The following FGF5 variants were observed in gnomAD, a reference collection of about 807,000 sequenced individuals.
FGF5 encodes fibroblast growth factor 5.
In FGF5, 23 loss-of-function variants were observed where a neutral mutation model predicts 21.8. The observed-to-expected ratio is 1.05, with a 90% confidence interval of 0.76 to 1.49. FGF5 has a LOEUF of 1.49. Ranked by LOEUF, FGF5 falls within the 40% of genes most tolerant of loss-of-function variation. FGF5 has a pLI of 0.00. For synonymous variants in FGF5, 158 were observed against 124.0 expected, an observed-to-expected ratio of 1.27 and a Z score of -1.82; for missense variants, 352 against 332.9, an observed-to-expected ratio of 1.06 and a Z score of -0.45.
chr4:80,270,313 C>T (rs1050463909), intron 1 of FGF5, among the ~76,000 whole-genome samples: 2 of 151,728 alleles, frequency 1.3e-5, no homozygotes, highest in African/African-American at 2.4e-5. Flanking sequence ...TAGTATTTGT[C>T]TGATAGAACA....
At chr4:80,275,380 T>C (rs1459719379) in intron 2 of FGF5, among the ~76,000 whole-genome samples, 7 of 151,918 alleles carry the variant, frequency 4.6e-5, no homozygotes, top group Non-Finnish European at 1.0e-4. Flanking sequence ...TTGTGCTAAG[T>C]AGATGAGGTT....
At chr4:80,272,679 T>C (rs1481621897) in intron 1 of FGF5, among the ~76,000 whole-genome samples, 1 of 152,108 alleles carries the variant, frequency 6.6e-6, no homozygotes, top group Admixed American at 6.5e-5. Flanking sequence ...AACCAGATAA[T>C]TTTCCAGGGA....
rs982329682 is a variant in FGF5 at position 80,290,419 on chromosome 4, T to G, written c.*3747T>G. 6 of 152,160 alleles carry G rather than the reference T, an allele frequency of 3.9e-5. No individual in the cohort carries two copies. In the South Asian group the frequency reaches 1.0e-3, roughly 26 times the overall value. The allele number at this position is 152,160 out of a possible 1,614,324, so 9.4% of individuals were successfully genotyped here. On this transcript the variant is annotated 3_prime_UTR_variant, in exon 3 of 3. Transcript: ENST00000312465. Reference sequence around the variant, plus strand: ...ATTAGGTATTAGCAGAGACAAAGAGTTACCTCCTCCATCTTACTCTGCCCT... The same window carrying G: ...ATTAGGTATTAGCAGAGACAAAGAGGTACCTCCTCCATCTTACTCTGCCCT...
In FGF5 at chr4:80,288,093, A is replaced by T. The variant is rs1720788984; in HGVS notation, c.*1421A>T. On this transcript the variant is annotated 3_prime_UTR_variant, in exon 3 of 3. Transcript: ENST00000312465. ...TCTTACATTCAGAAATGTGGCAAAA[A>T]AGGCATAGCTAAAGGCTAAACATAT... 1 of 152,196 alleles carries T rather than the reference A, an allele frequency of 6.6e-6. No individual in the cohort carries two copies. Among genetic ancestry groups the T allele is most frequent in the African/African-American group, 2.4e-5 (1 of 41,466 alleles). The allele number at this position is 152,196 out of a possible 1,614,324, so 9.4% of individuals were successfully genotyped here.
In FGF5 at chr4:80,286,545, T is replaced by C. The variant is rs1245991200; in HGVS notation, c.680T>C (p.Leu227Pro). The C allele has an allele frequency of 1.9e-6, 3 of 1,614,076 alleles. No individual in the cohort carries two copies. The South Asian group carries it at 3.3e-5, about 18-fold the overall frequency. The change falls in exon 3 of 3, where the codon CTT (leucine) becomes CCT (proline). Residue 227 changes from leucine to proline, a missense_variant. By Grantham distance (98) the Leu-to-Pro change is moderately conservative (BLOSUM62 -3). Coordinates refer to ENST00000312465, the MANE Select transcript of FGF5 (RefSeq NM_004464.4). ...PRFKQSEQPE[L>P]SFTVTVPEKK... is the part of the protein sequence containing the mutation. ...TTCAAGCAGTCGGAGCAGCCAGAAC[T>C]TTCTTTCACGGTTACTGTTCCTGAA...
At chr4:80,274,879 T>C in intron 1 of FGF5, 30 bp from the exon 2 acceptor site, 1 of 886,366 alleles carries the variant, frequency 1.1e-6, no homozygotes, top group Non-Finnish European at 1.9e-6. Context: ...TAAGAGCCTG[T>C]GTTTTATTTT....
intron 2 of FGF5, among the ~76,000 whole-genome samples, chr4:80,275,366 G>A (rs1409272580): frequency 6.6e-6 from 1 of 151,868 alleles, no homozygotes; most frequent in Admixed American, 6.6e-5. Context: ...TATAGTGACT[G>A]TATTTGTGCT....
At chr4:80,271,292 C>T (rs1015378263) in intron 1 of FGF5, among the ~76,000 whole-genome samples, 10 of 151,992 alleles carry the variant, frequency 6.6e-5, no homozygotes, top group Admixed American at 2.0e-4. Flanking sequence ...CGGAAGTAAG[C>T]TTACATCATA....
chr4:80,272,080 T>C (rs539479844), intron 1 of FGF5, among the ~76,000 whole-genome samples: 1 of 152,324 alleles, frequency 6.6e-6, no homozygotes, highest in Admixed American at 6.5e-5. Context: ...GTGTTCTTAA[T>C]ATTAGGTCAT....
At chr4:80,275,043 G>T (rs369247578) in intron 2 of FGF5, 31 bp downstream of exon 2, 3 of 892,646 alleles carry the variant, frequency 3.4e-6, no homozygotes, top group South Asian at 3.5e-5. Context: ...TTTGTTAAAG[G>T]TGCTATAAAG....
At chr4:80,276,989 C>CA (rs551024993) in intron 2 of FGF5, among the ~76,000 whole-genome samples, 2 of 150,928 alleles carry the variant, frequency 1.3e-5, no homozygotes, top group Non-Finnish European at 3.0e-5. Flanking sequence ...ATAGTACATG[C>CA]AAAAAAAATA....
chr4:80,270,823 G>A (rs1333201820), intron 1 of FGF5, among the ~76,000 whole-genome samples: 5 of 152,228 alleles, frequency 3.3e-5, no homozygotes, highest in East Asian at 3.9e-4. Flanking sequence ...TAATAGAATC[G>A]TCGATGTTAC....
intron 1 of FGF5, among the ~76,000 whole-genome samples, chr4:80,271,246 G>T (rs1720263323): frequency 2.0e-5 from 3 of 152,034 alleles, no homozygotes; most frequent in Admixed American, 2.0e-4. Context: ...ATCTGCAGAG[G>T]ACTAAGTCAA....
chr4:80,285,182 C>T (rs1234869422), intron 2 of FGF5, among the ~76,000 whole-genome samples: 1 of 152,164 alleles, frequency 6.6e-6, no homozygotes, highest in Non-Finnish European at 1.5e-5. Context: ...TCCAAGTTCA[C>T]ACTCTTCCCC....
chr4:80,290,710 C>T lies in FGF5; in HGVS notation c.*4038C>T, dbSNP rs1388914475. On this transcript the variant is annotated 3_prime_UTR_variant, in exon 3 of 3. Transcript: ENST00000312465. ...CCTCTCCACCCACCCCACAGCAGGC[C>T]CCGGTATGTGATGTTCCCCTTCGTG... 7 of 152,108 alleles carry T rather than the reference C, an allele frequency of 4.6e-5. No individual in the cohort carries two copies. The highest frequency in any genetic ancestry group is 2.6e-4 in the Admixed American group (4 of 15,280). 9.4% of individuals were successfully genotyped at this position (152,108 alleles called of 1,614,324 possible).
chr4:80,278,172 T>C lies in FGF5; in HGVS notation c.459+3160T>C, dbSNP rs1720465260. On this transcript the variant is annotated intron_variant, in intron 2 of 2. Transcript: ENST00000312465. ...CAATTACATTGTTTTCACCTCTTAG[T>C]GTATAGAAATTAATATGTGCGTGAA... is the stretch of plus-strand genomic sequence containing the variant. Among the ~76,000 whole-genome samples the C allele has an allele frequency of 2.0e-5, 3 of 152,192 alleles. No homozygotes were observed. The South Asian group carries it at 6.2e-4, about 32-fold the overall frequency.
chr4:80,268,691 C>A, intron 1 of FGF5: 1 of 251,834 alleles, frequency 4.0e-6, no homozygotes, highest in Non-Finnish European at 6.3e-6. Flanking sequence ...TCTAGTCTAT[C>A]TGATCGCGCT....
At chr4:80,282,296 C>T (rs1157387140) in intron 2 of FGF5, among the ~76,000 whole-genome samples, 1 of 152,044 alleles carries the variant, frequency 6.6e-6, no homozygotes, top group Non-Finnish European at 1.5e-5. Context: ...TAGTGTGTTT[C>T]CTCTCCTTGT....
At chr4:80,284,061 T>C (rs1720640352) in intron 2 of FGF5, among the ~76,000 whole-genome samples, 1 of 152,206 alleles carries the variant, frequency 6.6e-6, no homozygotes, top group Non-Finnish European at 1.5e-5. Flanking sequence ...AGCATAGCAG[T>C]CCGGGCCTAA....
Sources: allele counts gnomAD v4.1 joint callset (sites outside exome capture counted in the v4.1 genomes callset), GRCh38; gene constraint gnomAD v4.1.1; transcripts MANE v1.5; gene names NCBI Gene and HGNC (gene_info 2026-07-23, HGNC 2026-07-21).